RFX3: variants seen among roughly 807,000 people sequenced by gnomAD.
RFX3 encodes the protein regulatory factor X3, also known as transcription factor RFX3.
RFX3 carries 14 observed loss-of-function variants against 98.6 expected under a neutral mutation model. The ratio of observed to expected loss-of-function variants is 0.14; its 90% CI spans 0.09 to 0.22. The LOEUF is 0.22. RFX3 is among the 10% of genes least tolerant of loss of function. RFX3 has a pLI of 1.00. For synonymous variants in RFX3, 383 were observed against 328.4 expected (o/e 1.17, Z -1.80); for missense variants, 639 against 926.9 (o/e 0.69, Z 4.03).
intron 1 of RFX3, chr9:3,524,786 C>A (rs186982299): frequency 6.0e-6 from 1 of 166,208 alleles, no homozygotes; most frequent in Admixed American, 6.6e-5. Context: ...TAACTACTAA[C>A]CCAAGTATCA....
At chr9:3,415,069 A>T (rs1033584793) in intron 1 of RFX3, among the ~76,000 whole-genome samples, 10 of 88,032 alleles carry the variant, frequency 1.1e-4, no homozygotes, top group Non-Finnish European at 5.7e-5. Flanking sequence ...CTCATATATA[A>T]GTATATATAT....
chr9:3,325,430 G>C (rs1212507531), intron 4 of RFX3, among the ~76,000 whole-genome samples: 1 of 151,956 alleles, frequency 6.6e-6, no homozygotes, highest in Non-Finnish European at 1.5e-5. Flanking sequence ...AATCAAAAGA[G>C]GTGGGAATAT....
chr9:3,394,627 A>T (rs1048623550), intron 2 of RFX3, among the ~76,000 whole-genome samples: 1 of 152,232 alleles, frequency 6.6e-6, no homozygotes, highest in Non-Finnish European at 1.5e-5. Flanking sequence ...GTCCTTCATC[A>T]TCTATAACCC....
At chr9:3,391,272 G>T (rs145649681) in intron 2 of RFX3, among the ~76,000 whole-genome samples, 2 of 151,932 alleles carry the variant, frequency 1.3e-5, no homozygotes, top group African/African-American at 2.4e-5. Context: ...TTATATCCAC[G>T]GGGACACCAC....
chr9:3,413,435 G>T (rs531440794), intron 1 of RFX3, among the ~76,000 whole-genome samples: 6 of 152,036 alleles, frequency 3.9e-5, no homozygotes, highest in Non-Finnish European at 7.4e-5. Flanking sequence ...TATAGCTTAT[G>T]ATTTGTTTAA....
At chr9:3,326,238 A>G (rs1254391857) in intron 4 of RFX3, among the ~76,000 whole-genome samples, 1 of 152,154 alleles carries the variant, frequency 6.6e-6, no homozygotes, top group African/African-American at 2.4e-5. Flanking sequence ...AAGGAGAAAT[A>G]GTATTTTGAC....
intron 4 of RFX3, among the ~76,000 whole-genome samples, chr9:3,318,944 C>T (rs906271125): frequency 2.0e-5 from 3 of 152,174 alleles, no homozygotes; most frequent in African/African-American, 7.2e-5. Flanking sequence ...GATTCCCCCA[C>T]CCTCACTAGA....
At chr9:3,293,360 C>T (rs956527149) in intron 5 of RFX3, 102 bp from the exon 6 acceptor site, 1 of 840,166 alleles carries the variant, frequency 1.2e-6, no homozygotes, top group Non-Finnish European at 1.8e-6. Flanking sequence ...AGAAGTTCTT[C>T]ATCAAGTCTT....
intron 3 of RFX3, 152 bp from the exon 4 acceptor site, chr9:3,330,669 A>G (rs915462976): frequency 1.2e-5 from 8 of 684,008 alleles, no homozygotes; most frequent in Non-Finnish European, 1.9e-5. Flanking sequence ...ATTCCCAGAA[A>G]CAGTTCGATT....
intron 9 of RFX3, among the ~76,000 whole-genome samples, chr9:3,271,455 T>C (rs1824425957): frequency 7.0e-6 from 1 of 143,076 alleles, no homozygotes; most frequent in Admixed American, 6.9e-5. Flanking sequence ...CTCCCTCCCT[T>C]CCTTCCTTCC....
intron 1 of RFX3, among the ~76,000 whole-genome samples, chr9:3,404,104 C>T (rs1375139566): frequency 2.0e-5 from 3 of 152,014 alleles, no homozygotes; most frequent in African/African-American, 7.3e-5. Flanking sequence ...AAACAATATA[C>T]CCCATTTTAA....
At chr9:3,345,701 C>T (rs1311345869) in intron 3 of RFX3, among the ~76,000 whole-genome samples, 1 of 152,062 alleles carries the variant, frequency 6.6e-6, no homozygotes. Flanking sequence ...ACAAAATTAA[C>T]CAGAATTCTG....
intron 1 of RFX3, among the ~76,000 whole-genome samples, chr9:3,457,178 A>G (rs868441917): frequency 4.0e-5 from 6 of 149,100 alleles, no homozygotes; most frequent in Non-Finnish European, 8.9e-5. Flanking sequence ...AAAGAAAAGA[A>G]TTGTCCCAAG....
intron 4 of RFX3, among the ~76,000 whole-genome samples, chr9:3,318,486 C>A (rs571299741): frequency 6.7e-6 from 1 of 149,040 alleles, no homozygotes; most frequent in African/African-American, 2.5e-5. Context: ...GAAACATGTA[C>A]GTTGTGCACA....
intron 11 of RFX3, among the ~76,000 whole-genome samples, chr9:3,268,132 G>T (rs913740940): frequency 2.0e-5 from 3 of 151,682 alleles, no homozygotes; most frequent in African/African-American, 7.3e-5. Context: ...CCCATTGAGT[G>T]CTCATACAAT....
chr9:3,367,596 T>G (rs79605861), intron 2 of RFX3, among the ~76,000 whole-genome samples: 6,947 of 152,070 alleles, frequency 0.046, 546 homozygotes, highest in African/African-American at 0.16. Context: ...CCAGACAGAG[T>G]CCAAAGGAAT....
chr9:3,455,052 C>G lies in RFX3; in HGVS notation c.-8-59456G>C, dbSNP rs115048590. On this transcript the variant is annotated intron_variant, in intron 1 of 16. Coordinates refer to ENST00000617270, the MANE Select transcript of RFX3 (RefSeq NM_001282116.2). ...CTCATCCACCCAACTGGAACTCTTC[C>G]TTAGGTGTTTTACCAAATCCTCTCT... Among the ~76,000 whole-genome samples, 996 of 152,302 alleles carry G rather than the reference C, an allele frequency of 6.5e-3. 12 individuals carry two copies. The highest frequency in any genetic ancestry group is 0.023 in the African/African-American group (950 of 41,566).
At chr9:3,385,700 A>AAAAAG (rs57000431) in intron 2 of RFX3, among the ~76,000 whole-genome samples, 308 of 145,420 alleles carry the variant, frequency 2.1e-3, no homozygotes, top group East Asian at 4.6e-3. Context: ...AAAAAAAAAA[A>AAAAAG]AAAAGAAAAG....
intron 1 of RFX3, among the ~76,000 whole-genome samples, chr9:3,428,756 G>T (rs1844350252): frequency 6.6e-6 from 1 of 152,034 alleles, no homozygotes; most frequent in African/African-American, 2.4e-5. Flanking sequence ...AGATTTAAAT[G>T]ACAAAGTAAA....
Sources: allele counts gnomAD v4.1 joint callset (sites outside exome capture counted in the v4.1 genomes callset), GRCh38; gene constraint gnomAD v4.1.1; transcripts MANE v1.5; gene names NCBI Gene and HGNC (gene_info 2026-07-23, HGNC 2026-07-21).